CROCC2: variants seen among roughly 807,000 people sequenced by gnomAD.
The protein encoded by CROCC2 is ciliary rootlet coiled-coil, rootletin family member 2.
Under a neutral mutation model 177.6 loss-of-function variants are expected in CROCC2, and 163 were observed. That is an observed-to-expected ratio of 0.92 (90% CI 0.81 to 1.05). The LOEUF (loss-of-function observed/expected upper bound fraction) is 1.05. Among genes scored for constraint, CROCC2 ranks in the 50% least tolerant of loss-of-function variants. The pLI is 0.00. For missense variants in CROCC2, 1,929 were observed against 1,797.8 expected (o/e 1.07, Z -1.32); for synonymous variants, 904 against 787.3 (o/e 1.15, Z -2.48).
chr2:240,957,843 C>G (rs1198604040), intron 19 of CROCC2: 2 of 380,220 alleles, frequency 5.3e-6, no homozygotes, highest in East Asian at 1.6e-4. Context: ...GGGCCTGTGA[C>G]CATGCCCCTC....
At chr2:240,910,316 G>A (rs968323934) in intron 1 of CROCC2, among the ~76,000 whole-genome samples, 1 of 143,194 alleles carries the variant, frequency 7.0e-6, no homozygotes, top group Non-Finnish European at 1.6e-5. Flanking sequence ...GCAGAGTCCC[G>A]GACGAGGAAC....
chr2:240,921,732 C>T lies in CROCC2; in HGVS notation c.382-807C>T, dbSNP rs530975850. On this transcript the variant is annotated intron_variant, in intron 3 of 31. Transcript: ENST00000690015. ...TGGGGTGGCACCCCCAGACCCCGCC[C>T]GGCTCCTCCAGGGTCTTCCAACGCC... is the stretch of plus-strand genomic sequence containing the variant. Among the ~76,000 whole-genome samples, 660 of 152,334 alleles carry T rather than the reference C, an allele frequency of 4.3e-3. 6 individuals are homozygous for T. The highest frequency in any genetic ancestry group is 0.016 in the South Asian group (76 of 4,832).
chr2:240,917,555 TC>T lies in CROCC2; in HGVS notation c.79-1169del, dbSNP rs555115226. ...ACGTGGACCCTGGTCAGGAGGAAAA[TC>T]CAGGAGGCACAAGGTGGGGGAGCTG... On this transcript the variant is annotated intron_variant, in intron 1 of 31. Transcript: ENST00000690015. The surrounding 1 kb of genome is among the most constrained non-coding windows in gnomAD (Gnocchi z 4.9). Among the ~76,000 whole-genome samples, 4 of 151,924 alleles carry T rather than the reference TC, an allele frequency of 2.6e-5. No homozygotes were observed. In the South Asian group the frequency reaches 8.3e-4, roughly 32 times the overall value.
chr2:240,968,966 G>C (rs1424894176), intron 27 of CROCC2, among the ~76,000 whole-genome samples: 4 of 152,234 alleles, frequency 2.6e-5, no homozygotes, highest in African/African-American at 9.6e-5. Flanking sequence ...CCTCTTGTCA[G>C]GACTGGGCCA....
intron 28 of CROCC2, among the ~76,000 whole-genome samples, chr2:240,984,364 A>C (rs538457194): frequency 1.3e-5 from 2 of 152,006 alleles, no homozygotes; most frequent in Non-Finnish European, 2.9e-5. Flanking sequence ...GTCGACTGAT[A>C]GGGAAACAGC....
At chr2:240,978,625 A>G (rs1258810065) in intron 27 of CROCC2, among the ~76,000 whole-genome samples, 1 of 378 alleles carries the variant, frequency 2.6e-3, no homozygotes, top group Non-Finnish European at 3.6e-3. Context: ...TCCCTGCTCA[A>G]GCTCTGGGGT....
rs547207782 is a variant in CROCC2 at position 240,935,456 on chromosome 2, G to C, written c.2037G>C (p.Leu679=). ...GEQLAQAEQQ[L]ALERAERRGL... ...AGCTGGCACAGGCGGAGCAGCAGCT[G>C]GCGCTGGAGCGGGCAGAGCGCAGGG... Residue 679 remains leucine (L), a synonymous_variant, in exon 14 of 32, where the codon CTG becomes CTC. Transcript: ENST00000690015. 2.5e-5 allele frequency: 34 copies of C among 1,367,926 alleles called. No homozygotes were observed. In the Admixed American group the frequency reaches 1.0e-3, roughly 41 times the overall value. 84.7% of individuals were successfully genotyped at this position (1,367,926 alleles called of 1,614,324 possible). A position where few individuals can be genotyped will look rare whatever the true frequency, so the allele number is the denominator to read the frequency against.
chr2:240,927,675 G>A (rs145953104), intron 5 of CROCC2, among the ~76,000 whole-genome samples: 1 of 152,234 alleles, frequency 6.6e-6, no homozygotes, highest in Non-Finnish European at 1.5e-5. Flanking sequence ...TTTTGAGACA[G>A]AAGCTTGCTC....
At chr2:240,932,942 C>T (rs1359701533) in intron 9 of CROCC2, 34 bp downstream of exon 9, 2 of 1,540,812 alleles carry the variant, frequency 1.3e-6, no homozygotes, top group African/African-American at 2.7e-5. Flanking sequence ...CTCCCTGTCT[C>T]CCTGAGGGCA....
rs552631859 is a variant in CROCC2, at chr2:240,963,781, G to A, written c.3305+8G>A. ...CGAACAGGAGAAGGCCAGGTATGGC[G>A]GCCACCCAGGAGCAGCTGGGGGTGC... On this transcript the variant is annotated splice_region_variant and intron_variant, in intron 21 of 31. Coordinates refer to ENST00000690015, the MANE Select transcript of CROCC2 (RefSeq NM_001351305.2). 14 of 1,546,830 alleles carry A rather than the reference G, an allele frequency of 9.1e-6. No homozygotes were observed. Among genetic ancestry groups the A allele is most frequent in the South Asian group, 7.1e-5 (6 of 83,918 alleles).
At chr2:240,961,478 G>C (rs1171339341) in intron 20 of CROCC2, among the ~76,000 whole-genome samples, 1 of 151,712 alleles carries the variant, frequency 6.6e-6, no homozygotes, top group Admixed American at 6.6e-5. Flanking sequence ...GCATACAGAC[G>C]TGCACACACA....
At position 240,932,616 on chromosome 2, in the gene CROCC2, G is replaced by A. The variant is rs1034572587; in HGVS notation, c.1045-86G>A. On this transcript the variant is annotated intron_variant, in intron 8 of 31. Transcript: ENST00000690015. ...GGCAAAGGTGGAGGTAGCCCGCAGG[G>A]ACCCTCAGGACTGTCTGCGCGGTCC... 5 of 709,356 alleles carry A rather than the reference G, an allele frequency of 7.0e-6. No homozygotes were observed. In the Admixed American group the frequency reaches 8.2e-5, roughly 12 times the overall value. 43.9% of individuals were successfully genotyped at this position (709,356 alleles called of 1,614,324 possible). A position where few individuals can be genotyped will look rare whatever the true frequency, so the allele number is the denominator to read the frequency against.
intron 5 of CROCC2, among the ~76,000 whole-genome samples, chr2:240,928,610 C>T (rs1436835868): frequency 1.3e-5 from 2 of 152,210 alleles, no homozygotes; most frequent in Non-Finnish European, 2.9e-5. Context: ...GGCAGCCACA[C>T]CTCCATGTTG....
chr2:240,975,417 G>A (rs949009089), intron 27 of CROCC2, among the ~76,000 whole-genome samples: 6 of 152,322 alleles, frequency 3.9e-5, no homozygotes, highest in East Asian at 3.9e-4. Context: ...GGGGCAGCTC[G>A]CCAGTGCAGG....
At chr2:240,935,244 G>A (rs2059460781) in intron 13 of CROCC2, 114 bp from the exon 14 acceptor site, 23 of 1,209,850 alleles carry the variant, frequency 1.9e-5, no homozygotes, top group Non-Finnish European at 2.5e-5. Flanking sequence ...GAGTGCCCCT[G>A]GGCCAGGCCT....
chr2:240,966,922 G>A (rs1398512286), intron 25 of CROCC2, among the ~76,000 whole-genome samples: 1 of 151,850 alleles, frequency 6.6e-6, no homozygotes, highest in Non-Finnish European at 1.5e-5. Flanking sequence ...AGGGTCCTCT[G>A]TGCACACTCC....
chr2:240,965,590 C>T (rs2059676451), intron 23 of CROCC2, 46 bp from the exon 24 acceptor site: 2 of 1,549,468 alleles, frequency 1.3e-6, no homozygotes, highest in African/African-American at 1.4e-5. Flanking sequence ...GCCCACCCCA[C>T]TTCCTCACTG....
rs1210470206 is a variant in CROCC2, at chr2:240,965,471, A to G, written c.3556A>G (p.Arg1186Gly). The G allele has an allele frequency of 6.5e-7, 1 of 1,550,004 alleles. No individual in the cohort carries two copies. The highest frequency in any genetic ancestry group is 2.0e-5 in the Admixed American group (1 of 51,004). Residue 1186 changes from arginine to glycine, a missense_variant, in exon 23 of 32, where the codon AGG becomes GGG. Physicochemically the swap from Arg to Gly is moderately radical, Grantham distance 125 (BLOSUM62 -2). This residue lies in a region of CROCC2 where 144 missense variants were observed against 205.2 expected (regional missense o/e 0.70). Coordinates refer to ENST00000690015, the MANE Select transcript of CROCC2 (RefSeq NM_001351305.2). ...CTCGCAGGAGGTGCTGGAGCTGCGG[A>G]GGCAGGCAGCCAAGGCAGAGGCCAA... Reference protein sequence around the residue: ...QCSQEVLELRRQAAKAEAKHE... With the variant: ...QCSQEVLELRGQAAKAEAKHE...
At chr2:240,919,511 C>T (rs963015340) in intron 2 of CROCC2, among the ~76,000 whole-genome samples, 3 of 152,048 alleles carry the variant, frequency 2.0e-5, no homozygotes, top group African/African-American at 4.8e-5. Context: ...AGGACTCCCT[C>T]GTGCATGGGT....
Sources: allele counts gnomAD v4.1 joint callset (sites outside exome capture counted in the v4.1 genomes callset), GRCh38; gene constraint gnomAD v4.1.1; regional missense constraint gnomAD v4.1.1; non-coding constraint Gnocchi (gnomAD v3.1); transcripts MANE v1.5; gene names NCBI Gene and HGNC (gene_info 2026-07-23, HGNC 2026-07-21).